Variants in TESC observed in about 807,000 individuals in gnomAD.
The protein encoded by TESC is calcineurin B homologous protein 3.
TESC carries 19 observed loss-of-function variants against 31.0 expected under a neutral mutation model. The ratio of observed to expected loss-of-function variants is 0.61; its 90% CI spans 0.43 to 0.90. The LOEUF (loss-of-function observed/expected upper bound fraction) is 0.90. Among genes scored for constraint, TESC ranks in the 40% least tolerant of loss-of-function variants. The pLI is 0.00. For synonymous variants in TESC, 109 were observed against 114.8 expected, an observed-to-expected ratio of 0.95 and a Z score of 0.32; for missense variants, 248 against 303.8, an observed-to-expected ratio of 0.82 and a Z score of 1.36.
intron 3 of TESC, among the ~76,000 whole-genome samples, chr12:117,056,435 G>A (rs1023079575): frequency 2.2e-5 from 3 of 139,352 alleles, no homozygotes; most frequent in African/African-American, 9.0e-5. Flanking sequence ...TGCAAGCGGT[G>A]TGATCATGGC....
At chr12:117,098,975 T>C (rs947811491) in intron 1 of TESC, among the ~76,000 whole-genome samples, 3 of 151,686 alleles carry the variant, frequency 2.0e-5, no homozygotes, top group Non-Finnish European at 4.4e-5. Context: ...CGGTCCGCAG[T>C]CCCCCGGCCA....
At chr12:117,088,019 T>C (rs1360248072) in intron 1 of TESC, among the ~76,000 whole-genome samples, 2 of 152,042 alleles carry the variant, frequency 1.3e-5, no homozygotes, top group South Asian at 2.1e-4. Flanking sequence ...AGAAACTGAG[T>C]CTCAGAGAGG....
intron 2 of TESC, among the ~76,000 whole-genome samples, 162 bp from the exon 3 acceptor site, chr12:117,057,048 T>C (rs1388046575): frequency 6.6e-6 from 1 of 152,228 alleles, no homozygotes; most frequent in Non-Finnish European, 1.5e-5. Flanking sequence ...TTCACTTATC[T>C]GCCCCTTCCT....
chr12:117,075,913 A>ATATATATATATATATATATGTGTG (rs1265957613), intron 1 of TESC, among the ~76,000 whole-genome samples: 5 of 51,948 alleles, frequency 9.6e-5, no homozygotes, highest in East Asian at 4.7e-4. Context: ...ATATATATAT[A>ATATATATATATATATATATGTGTG]TGTGTGTGTG....
intron 1 of TESC, among the ~76,000 whole-genome samples, chr12:117,096,661 G>A (rs1410449560): frequency 6.6e-6 from 1 of 152,042 alleles, no homozygotes; most frequent in East Asian, 1.9e-4. Context: ...AACTTCAAGG[G>A]AGGTACTATG....
At chr12:117,073,837 C>T (rs1482816322) in intron 2 of TESC, among the ~76,000 whole-genome samples, 4 of 152,046 alleles carry the variant, frequency 2.6e-5, no homozygotes, top group African/African-American at 9.7e-5. Context: ...CCCAGCCACT[C>T]AGGAGGCTGA....
intron 2 of TESC, among the ~76,000 whole-genome samples, chr12:117,063,958 G>A (rs1954835246): frequency 6.6e-6 from 1 of 152,144 alleles, no homozygotes; most frequent in African/African-American, 2.4e-5. Flanking sequence ...CAGACCTACT[G>A]AATCAAAACC....
chr12:117,043,425 G>A (rs1338796170), intron 6 of TESC, among the ~76,000 whole-genome samples: 2 of 150,860 alleles, frequency 1.3e-5, no homozygotes, highest in Non-Finnish European at 2.9e-5. Context: ...TATGTCCCAA[G>A]TGCCTTCCAA....
intron 1 of TESC, among the ~76,000 whole-genome samples, chr12:117,089,363 C>A (rs1185054703): frequency 2.0e-5 from 3 of 152,028 alleles, no homozygotes. Context: ...GGGGGAAGGG[C>A]CAAGGGGAGT....
At chr12:117,076,982 C>T (rs955395008) in intron 1 of TESC, among the ~76,000 whole-genome samples, 3 of 152,116 alleles carry the variant, frequency 2.0e-5, no homozygotes, top group Non-Finnish European at 4.4e-5. Context: ...GGCTGGACTG[C>T]GGAGCTGTGA....
At chr12:117,046,894 C>A (rs1954575134) in intron 4 of TESC, 56 bp from the exon 5 acceptor site, 8 of 1,522,912 alleles carry the variant, frequency 5.3e-6, no homozygotes, top group Non-Finnish European at 7.1e-6. Flanking sequence ...CCCCTGCCAC[C>A]CCCTGAAATG....
chr12:117,056,756 C>T, intron 3 of TESC, 50 bp downstream of exon 3: 1 of 1,580,148 alleles, frequency 6.3e-7, no homozygotes, highest in Non-Finnish European at 8.7e-7. Context: ...CGAGATGTTA[C>T]ACAAGACAAG....
intron 1 of TESC, among the ~76,000 whole-genome samples, chr12:117,083,788 T>C (rs1955180532): frequency 6.6e-6 from 1 of 152,136 alleles, no homozygotes; most frequent in Non-Finnish European, 1.5e-5. Context: ...TTGGGGGTGA[T>C]AAGTTGTTCT....
At chr12:117,042,236 C>T (rs1209597246) in intron 6 of TESC, among the ~76,000 whole-genome samples, 2 of 152,158 alleles carry the variant, frequency 1.3e-5, no homozygotes, top group African/African-American at 4.8e-5. Flanking sequence ...AGCCGAGCGT[C>T]GCTCACCAGG....
At chr12:117,086,247 G>C (rs190381504) in intron 1 of TESC, among the ~76,000 whole-genome samples, 12 of 151,998 alleles carry the variant, frequency 7.9e-5, no homozygotes, top group Admixed American at 3.9e-4. Context: ...TGTACTTAAT[G>C]CCAATGAATT....
At chr12:117,041,641 G>A (rs924393985) in intron 7 of TESC, among the ~76,000 whole-genome samples, 2 of 152,178 alleles carry the variant, frequency 1.3e-5, no homozygotes, top group South Asian at 2.1e-4. Context: ...CCTACAACGG[G>A]GGTTACTTCT....
chr12:117,075,881 A>ATATATATATATATATGTGTG (rs1565971462), intron 1 of TESC, among the ~76,000 whole-genome samples: 151 of 13,454 alleles, frequency 0.011, 3 homozygotes, highest in Non-Finnish European at 0.016. Flanking sequence ...GTGTGTATAT[A>ATATATATATATATATGTGTG]TATATATATA....
intron 7 of TESC, among the ~76,000 whole-genome samples, chr12:117,039,869 T>G (rs950083819): frequency 1.3e-5 from 2 of 152,050 alleles, no homozygotes; most frequent in Non-Finnish European, 2.9e-5. Flanking sequence ...AACCTTGGAG[T>G]GGGCCTTCGT....
rs139856727 is a variant in TESC at position 117,080,841 on chromosome 12, C to T, written c.59-5501G>A. Reference sequence around the variant, plus strand: ...TAAGCACCTGATGCATGTCTGCCTGCATCAGGGCCCCAAAGCCCACGGAAG... The same window carrying T: ...TAAGCACCTGATGCATGTCTGCCTGTATCAGGGCCCCAAAGCCCACGGAAG... On this transcript the variant is annotated intron_variant, in intron 1 of 7. Coordinates refer to ENST00000335209, the MANE Select transcript of TESC (RefSeq NM_017899.4). Among the ~76,000 whole-genome samples, 821 of 152,278 alleles carry T rather than the reference C, an allele frequency of 5.4e-3. 7 individuals are homozygous for T. The highest frequency in any genetic ancestry group is 0.019 in the African/African-American group (785 of 41,554).
Sources: gnomAD v4.1 joint callset for allele counts (sites outside exome capture counted in the v4.1 genomes callset) on GRCh38, gnomAD v4.1.1 for gene constraint, MANE v1.5 for transcripts, NCBI Gene and HGNC (gene_info 2026-07-23, HGNC 2026-07-21) for gene names.